The following SLC22A15 variants were observed in gnomAD, a reference collection of about 807,000 sequenced individuals.
SLC22A15 encodes the protein flipt 1.
SLC22A15 carries 45 observed loss-of-function variants against 62.7 expected under a neutral mutation model. The ratio of observed to expected loss-of-function variants is 0.72; its 90% confidence interval spans 0.56 to 0.92. The LOEUF (loss-of-function observed/expected upper bound fraction) is 0.92. Ranked by LOEUF, SLC22A15 falls within the 40% of genes least tolerant of loss-of-function variation. The pLI is 0.00. For synonymous variants in SLC22A15, 264 were observed against 267.0 expected, an observed-to-expected ratio of 0.99 and a Z score of 0.11; for missense variants, 622 against 665.6, an observed-to-expected ratio of 0.93 and a Z score of 0.72.
Position 115,999,360 on chromosome 1 carries a change from T to G in SLC22A15, c.300+7117T>G, listed in dbSNP as rs193279747. Among the ~76,000 whole-genome samples the G allele has an allele frequency of 2.6e-5, 4 of 152,334 alleles. No homozygotes were observed. In the East Asian group the frequency reaches 7.7e-4, roughly 29 times the overall value. On this transcript the variant is annotated intron_variant, in intron 2 of 11. Transcript: ENST00000369503. ...TCTAATGTTTGTTGATTTTTCTCCC[T>G]GGATGACCTATCTAGTGCTGAAAGT...
In SLC22A15 at chr1:116,038,560, G is replaced by A. The variant is rs114711816; in HGVS notation, c.1171+1172G>A. On this transcript the variant is annotated intron_variant, in intron 8 of 11. Transcript: ENST00000369503. The stretch of plus-strand genomic sequence containing the variant: ...TTTTCATAGAATCATGGAAACTAGA[G>A]AATTGAATAAATTTGCCCATTTTTT... Among the ~76,000 whole-genome samples, 758 of 152,314 alleles carry A rather than the reference G, an allele frequency of 5.0e-3. 4 individuals carry two copies. The highest frequency in any genetic ancestry group is 0.017 in the African/African-American group (716 of 41,568).
At chr1:116,025,307 C>G (rs1186596097) in intron 4 of SLC22A15, among the ~76,000 whole-genome samples, 1 of 152,128 alleles carries the variant, frequency 6.6e-6, no homozygotes, top group African/African-American at 2.4e-5. Flanking sequence ...TTCTTGGAAG[C>G]CAGGTGCTGT....
chr1:115,976,723 CCG>C lies in SLC22A15; in HGVS notation c.87+12_87+13del. The C allele has an allele frequency of 1.3e-6, 2 of 1,575,406 alleles. No individual in the cohort carries two copies. The highest frequency in any genetic ancestry group is 2.3e-5 in the South Asian group (2 of 88,304). On this transcript the variant is annotated intron_variant, in intron 1 of 11. Coordinates refer to ENST00000369503, the MANE Select transcript of SLC22A15 (RefSeq NM_018420.3). ...TGGCCGTGCTGCTGCAGGTAAGTCC[CCG>C]CGGCCCCGCAGCCGCATTTCCCTCT...
At chr1:116,043,240 A>C (rs946384157) in intron 8 of SLC22A15, among the ~76,000 whole-genome samples, 3 of 152,206 alleles carry the variant, frequency 2.0e-5, no homozygotes, top group African/African-American at 7.2e-5. Flanking sequence ...CCTGGCCAAC[A>C]TGGTGAAACC....
At chr1:115,990,595 A>G (rs999674757) in intron 1 of SLC22A15, among the ~76,000 whole-genome samples, 22 of 152,152 alleles carry the variant, frequency 1.4e-4, no homozygotes, top group Non-Finnish European at 2.8e-4. Flanking sequence ...ATATAAGTCT[A>G]GGAGCTTACT....
At chr1:116,000,669 C>T (rs1249560134) in intron 2 of SLC22A15, among the ~76,000 whole-genome samples, 9 of 122,528 alleles carry the variant, frequency 7.3e-5, no homozygotes, top group East Asian at 2.7e-4. Flanking sequence ...CTCACTCTGT[C>T]GCCCAGGCTG....
intron 2 of SLC22A15, among the ~76,000 whole-genome samples, chr1:115,993,424 TGAGA>T (rs768827877): frequency 1.5e-5 from 2 of 131,852 alleles, no homozygotes; most frequent in East Asian, 2.1e-4. Flanking sequence ...TGTGAGTGTG[TGAGA>T]GTGTGTGTGT....
chr1:116,009,604 T>C (rs1376383274), intron 2 of SLC22A15, among the ~76,000 whole-genome samples: 1 of 152,168 alleles, frequency 6.6e-6, no homozygotes, highest in Non-Finnish European at 1.5e-5. Flanking sequence ...TTCATCCTTA[T>C]TACAATGAAG....
intron 6 of SLC22A15, chr1:116,031,896 AG>A: frequency 8.8e-7 from 1 of 1,131,964 alleles, no homozygotes; most frequent in Admixed American, 4.6e-5. Flanking sequence ...CCTGCAAAAA[AG>A]GAAAGAAAGC....
At chr1:116,040,346 C>T (rs1657744915) in intron 8 of SLC22A15, among the ~76,000 whole-genome samples, 2 of 152,300 alleles carry the variant, frequency 1.3e-5, no homozygotes, top group South Asian at 2.1e-4. Context: ...AGACATTTTA[C>T]CTGAACTCTG....
At chr1:116,038,425 A>C (rs966030849) in intron 8 of SLC22A15, among the ~76,000 whole-genome samples, 88 of 152,316 alleles carry the variant, frequency 5.8e-4, no homozygotes, top group African/African-American at 1.9e-3. Context: ...ATAACCCTCC[A>C]GTATATCTAC....
At chr1:116,037,159 C>A in intron 7 of SLC22A15, 144 bp from the exon 8 acceptor site, 1 of 654,398 alleles carries the variant, frequency 1.5e-6, no homozygotes, top group Non-Finnish European at 2.7e-6. Context: ...AGTCAGTTTC[C>A]TATCAGTCAC....
intron 8 of SLC22A15, among the ~76,000 whole-genome samples, chr1:116,038,552 A>T (rs1001254331): frequency 1.3e-5 from 2 of 152,228 alleles, no homozygotes; most frequent in African/African-American, 4.8e-5. Context: ...AGAATCATGG[A>T]AACTAGAGAA....
intron 11 of SLC22A15, 80 bp from the exon 12 acceptor site, chr1:116,066,939 G>A (rs568459268): frequency 4.3e-6 from 5 of 1,159,790 alleles, no homozygotes; most frequent in East Asian, 5.0e-5. Context: ...ACATTTGTCA[G>A]TTGAATAGCT....
intron 2 of SLC22A15, 89 bp downstream of exon 2, chr1:115,992,332 C>T (rs10923942): frequency 0.25 from 279,957 of 1,101,878 alleles, 38,474 homozygotes; most frequent in East Asian, 0.48. Context: ...TAAATATCAG[C>T]CACATTTTCA....
chr1:116,006,017 A>T (rs1348139025), intron 2 of SLC22A15, among the ~76,000 whole-genome samples: 1 of 152,210 alleles, frequency 6.6e-6, no homozygotes, highest in Non-Finnish European at 1.5e-5. Context: ...GGCTCTCTGA[A>T]GAGAAGGACA....
rs986489042 is a variant in SLC22A15, at chr1:116,068,454, T to C, written c.*1346T>C. ...GGAAGTGCTGGAAGCATCACCCCAATTGGCTCCAAATACTGTCATGTTTTC... is the reference window on the plus strand; with the variant it reads ...GGAAGTGCTGGAAGCATCACCCCAACTGGCTCCAAATACTGTCATGTTTTC... On this transcript the variant is annotated 3_prime_UTR_variant, in exon 12 of 12. Transcript: ENST00000369503. 2 of 152,446 alleles carry C rather than the reference T, an allele frequency of 1.3e-5. No individual in the cohort carries two copies. Among genetic ancestry groups the C allele is most frequent in the African/African-American group, 2.4e-5 (1 of 41,470 alleles). The allele number at this position is 152,446 out of a possible 1,614,324, so 9.4% of individuals were successfully genotyped here. A position where few individuals can be genotyped will look rare whatever the true frequency, so the allele number is the denominator to read the frequency against.
chr1:116,021,497 G>C (rs1184066737), intron 4 of SLC22A15, among the ~76,000 whole-genome samples: 1 of 152,162 alleles, frequency 6.6e-6, no homozygotes, highest in Non-Finnish European at 1.5e-5. Flanking sequence ...AGACTTTATA[G>C]ACTTAGGTTT....
At chr1:116,031,944 G>T (rs2101443260) in intron 6 of SLC22A15, 2 of 1,075,948 alleles carry the variant, frequency 1.9e-6, no homozygotes, top group East Asian at 1.6e-4. Context: ...TTTTTAAATA[G>T]GACTTTAAAA....
Sources: allele counts gnomAD v4.1 joint callset (sites outside exome capture counted in the v4.1 genomes callset), GRCh38; gene constraint gnomAD v4.1.1; transcripts MANE v1.5; gene names NCBI Gene and HGNC (gene_info 2026-07-23, HGNC 2026-07-21).